Variants in TNRC6A observed in about 807,000 individuals in gnomAD.
The protein encoded by TNRC6A is trinucleotide repeat containing adaptor 6A.
TNRC6A carries 44 observed loss-of-function variants against 221.2 expected under a neutral mutation model. The observed-to-expected ratio is 0.20, with a 90% CI of 0.16 to 0.26. The LOEUF is 0.26. TNRC6A is among the 10% of genes least tolerant of loss of function. TNRC6A has a pLI of 1.00. For missense variants in TNRC6A, 2,199 were observed against 2,404.4 expected (o/e 0.91, Z 1.79); for synonymous variants, 847 against 838.5 (o/e 1.01, Z -0.18).
At position 24,825,100 on chromosome 16, in the gene TNRC6A, C is replaced by T. The variant is rs765241966; in HGVS notation, c.*1293C>T. On this transcript the variant is annotated 3_prime_UTR_variant, in exon 25 of 25. Coordinates refer to ENST00000395799, the MANE Select transcript of TNRC6A (RefSeq NM_014494.4). ...AATCAGTAACTATGCATACTGTAAC[C>T]AAGGTATTGGGCTTACAGAGTTGTT... The T allele has an allele frequency of 6.6e-6, 1 of 152,550 alleles. No individual in the cohort carries two copies. The highest frequency in any genetic ancestry group is 1.5e-5 in the Non-Finnish European group (1 of 68,032). 9.4% of individuals were successfully genotyped at this position (152,550 alleles called of 1,614,324 possible). A position where few individuals can be genotyped will look rare whatever the true frequency, so the allele number is the denominator to read the frequency against.
chr16:24,656,872 TAAAAGAAGTATGA>T (rs1358281547), intron 2 of TNRC6A, among the ~76,000 whole-genome samples: 2 of 151,996 alleles, frequency 1.3e-5, no homozygotes, highest in Non-Finnish European at 2.9e-5. Context: ...ATGTTTCACA[TAAAAGAAGTATGA>T]AAAAGAACAA....
At chr16:24,767,173 G>A (rs1053578585) in intron 4 of TNRC6A, among the ~76,000 whole-genome samples, 33 of 152,154 alleles carry the variant, frequency 2.2e-4, no homozygotes, top group African/African-American at 6.5e-4. Context: ...GATGAGATAC[G>A]AGGCAAGAAT....
intron 8 of TNRC6A, among the ~76,000 whole-genome samples, chr16:24,795,451 A>G (rs1402968818): frequency 2.6e-5 from 4 of 152,088 alleles, no homozygotes; most frequent in African/African-American, 9.7e-5. Context: ...CCTGGGGACC[A>G]TTTTCAAAAT....
intron 2 of TNRC6A, among the ~76,000 whole-genome samples, chr16:24,711,739 A>T (rs1173874519): frequency 1.3e-5 from 2 of 151,916 alleles, no homozygotes; most frequent in African/African-American, 4.8e-5. Flanking sequence ...TTAAACTTAC[A>T]TTCTGGCTAT....
At chr16:24,757,782 T>A (rs2057283801) in intron 3 of TNRC6A, among the ~76,000 whole-genome samples, 1 of 152,166 alleles carries the variant, frequency 6.6e-6, no homozygotes, top group African/African-American at 2.4e-5. Context: ...CAGTTTGAAA[T>A]TTTTTTCCAC....
intron 11 of TNRC6A, 45 bp from the exon 12 acceptor site, chr16:24,804,132 A>G (rs576102536): frequency 1.5e-5 from 23 of 1,545,140 alleles, no homozygotes; most frequent in South Asian, 8.9e-5. Flanking sequence ...TCTGAAACCA[A>G]TTGGGTTGTC....
chr16:24,758,772 C>A (rs995829949), intron 4 of TNRC6A, among the ~76,000 whole-genome samples: 3 of 152,092 alleles, frequency 2.0e-5, no homozygotes, highest in Non-Finnish European at 4.4e-5. Context: ...GTCCCCCATT[C>A]CTTCTTATAG....
chr16:24,700,450 G>C (rs1408135499), intron 2 of TNRC6A, among the ~76,000 whole-genome samples: 1 of 152,006 alleles, frequency 6.6e-6, no homozygotes, highest in Non-Finnish European at 1.5e-5. Flanking sequence ...GGCCAGGCTG[G>C]TCTTACGAAC....
At chr16:24,737,088 G>A (rs141274664) in intron 2 of TNRC6A, among the ~76,000 whole-genome samples, 6 of 152,240 alleles carry the variant, frequency 3.9e-5, no homozygotes, top group African/African-American at 7.2e-5. Context: ...TTCTCATCCC[G>A]ATGCCACAGA....
intron 21 of TNRC6A, among the ~76,000 whole-genome samples, chr16:24,818,927 C>G (rs961968399): frequency 1.3e-5 from 2 of 152,042 alleles, no homozygotes; most frequent in African/African-American, 4.8e-5. Flanking sequence ...CATCTCAGAG[C>G]CACAGCAGCT....
intron 5 of TNRC6A, chr16:24,778,310 T>C (rs879882706): frequency 3.0e-6 from 3 of 985,024 alleles, no homozygotes; most frequent in Admixed American, 6.1e-5. Flanking sequence ...CAAGAACTAC[T>C]CTGTACATTG....
At chr16:24,760,345 A>G (rs948998198) in intron 4 of TNRC6A, among the ~76,000 whole-genome samples, 4 of 152,102 alleles carry the variant, frequency 2.6e-5, no homozygotes, top group East Asian at 1.9e-4. Context: ...TGTTTCTTCA[A>G]CATCTTTGAG....
At chr16:24,639,165 T>G (rs369714259) in intron 1 of TNRC6A, among the ~76,000 whole-genome samples, 1 of 152,156 alleles carries the variant, frequency 6.6e-6, no homozygotes, top group East Asian at 1.9e-4. Flanking sequence ...ATTGTTTAAG[T>G]GTTTGTGTGA....
At chr16:24,644,040 A>G (rs1902137305) in intron 2 of TNRC6A, among the ~76,000 whole-genome samples, 1 of 150,732 alleles carries the variant, frequency 6.6e-6, no homozygotes, top group African/African-American at 2.4e-5. Context: ...AGGCAATTCT[A>G]GATCATCGCT....
chr16:24,738,587 T>G (rs1323934506), intron 2 of TNRC6A, among the ~76,000 whole-genome samples: 1 of 152,236 alleles, frequency 6.6e-6, no homozygotes, highest in Non-Finnish European at 1.5e-5. Context: ...GTGTAGTGTT[T>G]TCAAGGTTCG....
chr16:24,735,051 GCACGTGGAT>G (rs1362862317), intron 2 of TNRC6A, among the ~76,000 whole-genome samples: 2 of 152,228 alleles, frequency 1.3e-5, no homozygotes, highest in Admixed American at 6.5e-5. Context: ...GGAGACTGAG[GCACGTGGAT>G]CATTTGAGGT....
intron 2 of TNRC6A, among the ~76,000 whole-genome samples, chr16:24,679,768 C>T (rs1305089619): frequency 1.3e-5 from 2 of 151,800 alleles, no homozygotes; most frequent in African/African-American, 4.8e-5. Flanking sequence ...TGAGCCACCC[C>T]ACCTGGCAAT....
At chr16:24,810,250 A>C (rs1236187049) in intron 18 of TNRC6A, among the ~76,000 whole-genome samples, 1 of 152,142 alleles carries the variant, frequency 6.6e-6, no homozygotes, top group African/African-American at 2.4e-5. Context: ...TTTTCATCTT[A>C]TTTAGTATTA....
At chr16:24,731,920 G>C (rs536665948) in intron 2 of TNRC6A, among the ~76,000 whole-genome samples, 1 of 152,336 alleles carries the variant, frequency 6.6e-6, no homozygotes, top group East Asian at 1.9e-4. Context: ...GGTCTGTTAG[G>C]CCCTTTGGGT....
Sources: gnomAD v4.1 joint callset for allele counts (sites outside exome capture counted in the v4.1 genomes callset) on GRCh38, gnomAD v4.1.1 for gene constraint, MANE v1.5 for transcripts, NCBI Gene and HGNC (gene_info 2026-07-23, HGNC 2026-07-21) for gene names.